Variants in SEM1 observed in about 807,000 individuals in gnomAD.
SEM1 encodes the protein 26S proteasome complex subunit SEM1.
A neutral mutation model predicts 12.7 loss-of-function variants in SEM1; 3 were observed. That is an observed-to-expected ratio of 0.24 (90% CI 0.11 to 0.61). The LOEUF (loss-of-function observed/expected upper bound fraction) is 0.61. SEM1 is among the 20% of genes least tolerant of loss of function. The pLI is 0.88. For synonymous variants in SEM1, 30 were observed against 27.8 expected (o/e 1.08, Z -0.25); for missense variants, 59 against 81.3 (o/e 0.73, Z 1.06).
At chr7:96,484,106 A>T in intron 3 of SEM1, 2 of 992,992 alleles carry the variant, frequency 2.0e-6, no homozygotes, top group Non-Finnish European at 2.8e-6. Context: ...TCCCCATTTT[A>T]GAGATGAGAA....
At chr7:96,616,693 G>A (rs939336240) in intron 2 of SEM1, among the ~76,000 whole-genome samples, 1 of 151,836 alleles carries the variant, frequency 6.6e-6, no homozygotes, top group Non-Finnish European at 1.5e-5. Flanking sequence ...CTTATATTTA[G>A]GTATGTAATC....
At chr7:96,617,294 C>T (rs1371836549) in intron 2 of SEM1, among the ~76,000 whole-genome samples, 1 of 151,862 alleles carries the variant, frequency 6.6e-6, no homozygotes, top group Non-Finnish European at 1.5e-5. Flanking sequence ...TAGGTATTTC[C>T]TCTTTTTTTA....
chr7:96,690,876 T>C (rs1354930640), intron 2 of SEM1, among the ~76,000 whole-genome samples: 2 of 152,174 alleles, frequency 1.3e-5, no homozygotes, highest in Admixed American at 6.5e-5. Context: ...GTTTATGCCA[T>C]TGTCCTGCCT....
At chr7:96,662,009 A>AAAAAAAT (rs1554431166) in intron 2 of SEM1, among the ~76,000 whole-genome samples, 4 of 140,460 alleles carry the variant, frequency 2.8e-5, no homozygotes, top group South Asian at 2.2e-4. Flanking sequence ...AAAAAAAAAA[A>AAAAAAAT]AGTCAGCAAA....
intron 2 of SEM1, among the ~76,000 whole-genome samples, chr7:96,653,017 C>A (rs1584835873): frequency 6.6e-6 from 1 of 152,154 alleles, no homozygotes; most frequent in East Asian, 1.9e-4. Context: ...AAGCTACATG[C>A]TTTTCATGCA....
chr7:96,558,616 G>A (rs999033543), intron 2 of SEM1, among the ~76,000 whole-genome samples: 1 of 152,188 alleles, frequency 6.6e-6, no homozygotes, highest in South Asian at 2.1e-4. Context: ...AAGAAGCAAG[G>A]AGAGAGGGAG....
chr7:96,512,230 G>A (rs1007202657), intron 2 of SEM1, among the ~76,000 whole-genome samples: 1 of 152,096 alleles, frequency 6.6e-6, no homozygotes, highest in Non-Finnish European at 1.5e-5. Context: ...AGAGTAGGGA[G>A]AGCCTGACAT....
At chr7:96,645,661 C>A (rs1397726131) in intron 2 of SEM1, 1 of 396,924 alleles carries the variant, frequency 2.5e-6, no homozygotes, top group East Asian at 3.6e-5. Flanking sequence ...ATACCATACA[C>A]AGTAGTTTTA....
At chr7:96,539,134 T>G (rs1584747382) in intron 2 of SEM1, among the ~76,000 whole-genome samples, 1 of 151,930 alleles carries the variant, frequency 6.6e-6, no homozygotes, top group East Asian at 1.9e-4. Context: ...CTCAAGGAAC[T>G]GAATCCTGCC....
downstream of SEM1, among the ~76,000 whole-genome samples, chr7:96,617,913 G>A (rs1334462270): frequency 1.3e-5 from 2 of 152,028 alleles, no homozygotes; most frequent in Non-Finnish European, 2.9e-5. Flanking sequence ...GTAGTATGCT[G>A]TTGGATTCGA....
chr7:96,654,134 A>T (rs1266404804), intron 2 of SEM1, among the ~76,000 whole-genome samples: 1 of 152,232 alleles, frequency 6.6e-6, no homozygotes, highest in Non-Finnish European at 1.5e-5. Flanking sequence ...CAGTTATTCA[A>T]TGTTGTGCAA....
chr7:96,588,825 G>C (rs1806740476), intron 2 of SEM1, among the ~76,000 whole-genome samples: 1 of 152,002 alleles, frequency 6.6e-6, no homozygotes, highest in Non-Finnish European at 1.5e-5. Context: ...TTCATACATA[G>C]AATAAATATT....
At chr7:96,666,725 G>A (rs769408735) in intron 2 of SEM1, among the ~76,000 whole-genome samples, 3 of 150,790 alleles carry the variant, frequency 2.0e-5, no homozygotes, top group Non-Finnish European at 4.4e-5. Flanking sequence ...CTTCAACCTG[G>A]TACCCACAGT....
intron 2 of SEM1, among the ~76,000 whole-genome samples, chr7:96,517,220 G>A (rs537287568): frequency 2.0e-5 from 3 of 152,180 alleles, no homozygotes; most frequent in East Asian, 3.9e-4. Context: ...TGTATACTAT[G>A]GACTTTGAGT....
At chr7:96,565,696 G>C (rs1257955707) in intron 2 of SEM1, among the ~76,000 whole-genome samples, 2 of 151,634 alleles carry the variant, frequency 1.3e-5, no homozygotes, top group African/African-American at 4.8e-5. Flanking sequence ...ATGAAAAAAG[G>C]CTTTAAAAAG....
upstream of SEM1, among the ~76,000 whole-genome samples, chr7:96,497,941 T>C (rs1277764487): frequency 1.3e-5 from 2 of 151,964 alleles, no homozygotes; most frequent in Non-Finnish European, 2.9e-5. Flanking sequence ...AAGAGAGAAA[T>C]AGAAAATATA....
At chr7:96,669,345 T>C (rs1789251769), downstream of SEM1, among the ~76,000 whole-genome samples, 1 of 152,236 alleles carries the variant, frequency 6.6e-6, no homozygotes, top group Non-Finnish European at 1.5e-5. Flanking sequence ...TCAATTCTGC[T>C]GATTAAAAGC....
upstream of SEM1, among the ~76,000 whole-genome samples, chr7:96,497,031 ACT>A (rs1410022484): frequency 1.3e-5 from 2 of 151,470 alleles, no homozygotes; most frequent in Non-Finnish European, 2.9e-5. Flanking sequence ...ACACACACAC[ACT>A]CTGTCATACA....
intron 2 of SEM1, among the ~76,000 whole-genome samples, chr7:96,509,096 C>T (rs902361970): frequency 3.3e-5 from 5 of 150,400 alleles, no homozygotes; most frequent in Admixed American, 6.6e-5. Context: ...AAGTGATTCT[C>T]GTGCCTCAGC....
Sources: allele counts gnomAD v4.1 joint callset (sites outside exome capture counted in the v4.1 genomes callset), GRCh38; gene constraint gnomAD v4.1.1; transcripts MANE v1.5; gene names NCBI Gene and HGNC (gene_info 2026-07-23, HGNC 2026-07-21).